The following PEX1 variants were observed in gnomAD, a reference collection of about 807,000 sequenced individuals.
PEX1 encodes peroxisomal biogenesis factor 1.
A neutral mutation model predicts 152.5 loss-of-function variants in PEX1; 97 were observed. The ratio of observed to expected loss-of-function variants is 0.64; its 90% CI spans 0.54 to 0.75. PEX1 has a LOEUF of 0.75. PEX1 is among the 30% of genes least tolerant of loss of function. The probability of loss-of-function intolerance (pLI) is 0.00; values close to 1 mark genes in which losing one functional copy is unlikely to be tolerated. For missense variants in PEX1, 1,357 were observed against 1,516.3 expected (o/e 0.89, Z 1.74); for synonymous variants, 485 against 531.6 (o/e 0.91, Z 1.21).
chr7:92,524,737 T>C (rs1793192523), intron 1 of PEX1, among the ~76,000 whole-genome samples: 2 of 152,220 alleles, frequency 1.3e-5, no homozygotes, highest in South Asian at 4.1e-4. Context: ...AGTCCAACTG[T>C]TCTGGCTGAC....
At chr7:92,502,127 A>G (rs770021565) in intron 13 of PEX1, 48 bp from the exon 14 acceptor site, 12 of 1,249,408 alleles carry the variant, frequency 9.6e-6, no homozygotes, top group Middle Eastern at 2.1e-4. Flanking sequence ...ATTCAACTGT[A>G]TATTTTTGAA....
rs757327900 is a variant in PEX1, at chr7:92,528,460, C to A, written c.-25G>T. ...TCGTCCCGGAGCGTCGCTCTGGGTT[C>A]GCCCACCCTAGCGCCGCAAAGGACC... is the stretch of plus-strand genomic sequence containing the variant. On this transcript the variant is annotated 5_prime_UTR_variant, in exon 1 of 24. Coordinates refer to ENST00000248633, the MANE Select transcript of PEX1 (RefSeq NM_000466.3). The A allele has an allele frequency of 2.6e-6, 4 of 1,565,380 alleles. No individual in the cohort carries two copies. The African/African-American group carries it at 5.4e-5, about 21-fold the overall frequency.
In PEX1 at chr7:92,500,029, C is replaced by T. The variant is rs182628795; in HGVS notation, c.2584-191G>A. Among the ~76,000 whole-genome samples, 431 of 152,228 alleles carry T rather than the reference C, an allele frequency of 2.8e-3. 3 individuals carry two copies. The highest frequency in any genetic ancestry group is 9.4e-3 in the African/African-American group (392 of 41,540). ...ACTGTAAATGAACTCAAAGGAACTA[C>T]GACAAATTTTTTCCAATTAAGAACA... On this transcript the variant is annotated intron_variant, in intron 15 of 23. Transcript: ENST00000248633.
chr7:92,502,208 G>T, intron 13 of PEX1, 129 bp from the exon 14 acceptor site: 1 of 666,516 alleles, frequency 1.5e-6, no homozygotes, highest in Non-Finnish European at 2.6e-6. Flanking sequence ...GTCTGGGGAT[G>T]GAGCAGGGGA....
rs1792349492 is a variant in PEX1 at position 92,509,404 on chromosome 7, A to G, written c.1595T>C (p.Leu532Pro). 6.2e-7 allele frequency: 1 copy of G among 1,608,376 alleles called. No individual in the cohort carries two copies. Among genetic ancestry groups the G allele is most frequent in the Non-Finnish European group, 8.5e-7 (1 of 1,175,292 alleles). Reference sequence around the variant, plus strand: ...GTTTTCTTCTTTTACCATAGGATCTAGAAGGACCTACAGTTGCAAGGAAAA... The same window carrying G: ...GTTTTCTTCTTTTACCATAGGATCTGGAAGGACCTACAGTTGCAAGGAAAA... The part of the protein sequence containing the change: ...LLQKTTIQVL[L>P]DPMVKEENSE... Residue 532 changes from leucine to proline, a missense_variant, in exon 9 of 24, where the codon CTA (leucine) becomes CCA (proline). Coordinates refer to ENST00000248633, the MANE Select transcript of PEX1 (RefSeq NM_000466.3).
chr7:92,496,848 C>G, intron 16 of PEX1, 71 bp from the exon 17 acceptor site: 1 of 916,984 alleles, frequency 1.1e-6, no homozygotes, highest in Admixed American at 1.8e-5. Context: ...CTGACTAAGT[C>G]TAAATGAATC....
chr7:92,497,757 T>C (rs1413466776), intron 16 of PEX1, among the ~76,000 whole-genome samples: 1 of 152,128 alleles, frequency 6.6e-6, no homozygotes, highest in East Asian at 1.9e-4. Flanking sequence ...ACTATAGGAC[T>C]AGAGGAGGGA....
At chr7:92,516,331 G>A (rs1205797091) in intron 5 of PEX1, among the ~76,000 whole-genome samples, 6 of 152,074 alleles carry the variant, frequency 3.9e-5, no homozygotes. Context: ...GGAGGCTGAG[G>A]CAGGAGAACC....
intron 23 of PEX1, among the ~76,000 whole-genome samples, chr7:92,488,256 T>C (rs1457249725): frequency 1.3e-5 from 2 of 152,224 alleles, no homozygotes; most frequent in Non-Finnish European, 2.9e-5. Context: ...TAAACAAATA[T>C]GCTTTGGGAG....
intron 5 of PEX1, among the ~76,000 whole-genome samples, chr7:92,516,241 C>A (rs896865438): frequency 2.0e-5 from 3 of 151,850 alleles, no homozygotes; most frequent in Non-Finnish European, 4.4e-5. Flanking sequence ...GGCTGGCTAA[C>A]ATGGTGAAAC....
At chr7:92,506,176 A>G in intron 11 of PEX1, 72 bp downstream of exon 11, 1 of 836,402 alleles carries the variant, frequency 1.2e-6, no homozygotes, top group Non-Finnish European at 2.1e-6. Context: ...TATTAGATTG[A>G]CAGCATTATG....
At chr7:92,498,824 A>T (rs577203908) in intron 16 of PEX1, among the ~76,000 whole-genome samples, 8 of 151,894 alleles carry the variant, frequency 5.3e-5, no homozygotes, top group African/African-American at 1.7e-4. Context: ...AACCATAAAA[A>T]CCCCAGCTTC....
At chr7:92,514,451 G>A (rs982428756) in intron 5 of PEX1, among the ~76,000 whole-genome samples, 1 of 152,068 alleles carries the variant, frequency 6.6e-6, no homozygotes, top group Admixed American at 6.6e-5. Flanking sequence ...GTATGTATTT[G>A]ACTGTATTCA....
At chr7:92,521,969 G>C in intron 2 of PEX1, 133 bp downstream of exon 2, 1 of 837,352 alleles carries the variant, frequency 1.2e-6, no homozygotes, top group Non-Finnish European at 2.0e-6. Context: ...CAATATCCTA[G>C]ACTAGTTACA....
At position 92,528,348 on chromosome 7, in the gene PEX1, G is replaced by A. The variant is rs375045292; in HGVS notation, c.88C>T (p.His30Tyr). ...TGGGCCACGAGACGCCGCGGCAGGTGGAGGAAGCAGTCGCGAGCGTTGGTG... is the reference window on the plus strand; with the variant it reads ...TGGGCCACGAGACGCCGCGGCAGGTAGAGGAAGCAGTCGCGAGCGTTGGTG... Reference protein sequence around the residue: ...AFTNARDCFLHLPRRLVAQLH... With the variant: ...AFTNARDCFLYLPRRLVAQLH... The change falls in exon 1 of 24, where the codon CAC becomes TAC. Residue 30 changes from histidine to tyrosine, a missense_variant. Physicochemically the swap from His to Tyr is moderately conservative, Grantham distance 83. Coordinates refer to ENST00000248633, the MANE Select transcript of PEX1 (RefSeq NM_000466.3). 31 of 1,577,366 alleles carry A rather than the reference G, an allele frequency of 2.0e-5. No individual in the cohort carries two copies. In the African/African-American group the frequency reaches 3.9e-4, roughly 20 times the overall value.
chr7:92,491,580 A>G, intron 20 of PEX1, 78 bp from the exon 21 acceptor site: 1 of 853,408 alleles, frequency 1.2e-6, no homozygotes, highest in Non-Finnish European at 2.0e-6. Context: ...CATAGATAGC[A>G]TTCTATTAGA....
intron 17 of PEX1, among the ~76,000 whole-genome samples, chr7:92,495,803 CTTTATT>C (rs1791627447): frequency 6.6e-6 from 1 of 151,944 alleles, no homozygotes; most frequent in South Asian, 2.1e-4. Context: ...TCATTCTTAT[CTTTATT>C]ATTTCCCTTT....
chr7:92,496,046 G>A (rs558569084), intron 17 of PEX1, among the ~76,000 whole-genome samples: 5 of 151,882 alleles, frequency 3.3e-5, no homozygotes, highest in Middle Eastern at 3.4e-3. Flanking sequence ...ACGTGGAAGA[G>A]GTTTATTTTG....
intron 2 of PEX1, among the ~76,000 whole-genome samples, chr7:92,519,660 G>A (rs1443396667): frequency 1.3e-5 from 2 of 152,100 alleles, no homozygotes; most frequent in Non-Finnish European, 2.9e-5. Flanking sequence ...CAACAGACAT[G>A]CTGCTTCAAG....
Sources: allele counts gnomAD v4.1 joint callset (sites outside exome capture counted in the v4.1 genomes callset), GRCh38; gene constraint gnomAD v4.1.1; transcripts MANE v1.5; gene names NCBI Gene and HGNC (gene_info 2026-07-23, HGNC 2026-07-21).